Variants in PAQR9 observed in about 807,000 individuals in gnomAD.
PAQR9 encodes progestin and adipoQ receptor family member 9.
Under a neutral mutation model 24.0 loss-of-function variants are expected in PAQR9, and 12 were observed. That is an observed-to-expected ratio of 0.50 (90% CI 0.32 to 0.81). PAQR9 has a LOEUF of 0.81. Among genes scored for constraint, PAQR9 ranks in the 30% least tolerant of loss-of-function variants. The pLI, the probability that PAQR9 is intolerant of heterozygous loss-of-function variation, is 0.03. For synonymous variants in PAQR9, 266 were observed against 237.6 expected (o/e 1.12, Z -1.10); for missense variants, 418 against 520.8 (o/e 0.80, Z 1.92).
rs115634378 is a variant in PAQR9 at position 142,957,552 on chromosome 3, T to C, written c.*4651A>G. On this transcript the variant is annotated 3_prime_UTR_variant, in exon 1 of 1. Coordinates refer to ENST00000340634, the MANE Select transcript of PAQR9 (RefSeq NM_198504.4). ...ATTTTGGAGATCTAGCCATTTACCT[T>C]CTTATGTATGTGATTGGTTTGTTTG... Among the ~76,000 whole-genome samples, 1 of 152,180 alleles carries C rather than the reference T, an allele frequency of 6.6e-6. No individual in the cohort carries two copies. Among genetic ancestry groups the C allele is most frequent in the African/African-American group, 2.4e-5 (1 of 41,438 alleles).
chr3:142,951,181 G>A (rs868420741), downstream of PAQR9, among the ~76,000 whole-genome samples: 1 of 152,174 alleles, frequency 6.6e-6, no homozygotes, highest in South Asian at 2.1e-4. Flanking sequence ...CTCCCAAAGT[G>A]CTGGGATTAC....
rs769092721 is a variant in PAQR9 at position 142,957,806 on chromosome 3, G to C, written c.*4397C>G. ...AAGTTATTTTTAACAATAGGCCTAG[G>C]AGCACACAGAAAAAGAAAAAAGAAA... On this transcript the variant is annotated 3_prime_UTR_variant, in exon 1 of 1. Transcript: ENST00000340634. 1.5e-4 allele frequency among the ~76,000 whole-genome samples: 23 copies of C among 152,094 alleles called. No individual in the cohort carries two copies. Among genetic ancestry groups the C allele is most frequent in the Non-Finnish European group, 2.9e-4 (20 of 68,026 alleles).
chr3:142,962,361 C>A lies in PAQR9; in HGVS notation c.976G>T (p.Val326Leu), dbSNP rs753022542. Residue 326 changes from valine to leucine, a missense_variant, in exon 1 of 1, where the codon GTG (valine) becomes TTG (leucine). By Grantham distance (32) the Val-to-Leu change is conservative. Transcript: ENST00000340634. Reference protein sequence around the residue: ...IFTFLSIYDQVYYVEEGLRQF... With the variant: ...IFTFLSIYDQLYYVEEGLRQF... ...CGCAGGCCCTCTTCTACGTAGTACA[C>A]CTGGTCGTAGATGCTGAGGAAGGTG... is the stretch of plus-strand genomic sequence containing the variant. The A allele has an allele frequency of 2.5e-6, 4 of 1,614,024 alleles. No homozygotes were observed. Among genetic ancestry groups the A allele is most frequent in the Non-Finnish European group, 3.4e-6 (4 of 1,180,050 alleles).
In PAQR9 at chr3:142,961,560, CTA is replaced by C. The variant is rs1188423195; in HGVS notation, c.*641_*642del. 1.3e-5 allele frequency: 2 copies of C among 153,344 alleles called. No homozygotes were observed. Among genetic ancestry groups the C allele is most frequent in the Admixed American group, 6.5e-5 (1 of 15,368 alleles). 9.5% of individuals were successfully genotyped at this position (153,344 alleles called of 1,614,324 possible). A position where few individuals can be genotyped will look rare whatever the true frequency, so the allele number is the denominator to read the frequency against. On this transcript the variant is annotated 3_prime_UTR_variant, in exon 1 of 1. Transcript: ENST00000340634. ...ATGCAGAAGGCTGTGAAATTCAAAACTATGTGACAAAGAAAATTCAGTGCGTA... is the reference window on the plus strand; with the variant it reads ...ATGCAGAAGGCTGTGAAATTCAAAACTGTGACAAAGAAAATTCAGTGCGTA...
Position 142,962,929 on chromosome 3 carries a change from G to A in PAQR9, c.408C>T (p.Ser136=). ...ASGVLLTFAM[S]CTAHVFSCLS... is the part of the protein sequence containing the mutation. ...GGCAGCTGAACACGTGCGCCGTGCA[G>A]CTCATGGCGAAGGTCAGCAGCACTC... The change falls in exon 1 of 1, where the codon AGC becomes AGT. Residue 136 remains serine, a synonymous_variant. Coordinates refer to ENST00000340634, the MANE Select transcript of PAQR9 (RefSeq NM_198504.4). 6.2e-7 allele frequency: 1 copy of A among 1,613,944 alleles called. No homozygotes were observed. Among genetic ancestry groups the A allele is most frequent in the South Asian group, 1.1e-5 (1 of 91,088 alleles).
At position 142,963,409 on chromosome 3, in the gene PAQR9, C is replaced by T; in HGVS notation, c.-73G>A. On this transcript the variant is annotated 5_prime_UTR_variant, in exon 1 of 1. Transcript: ENST00000340634. ...GCTCCCGGGCGCTGGGCAGCCCCCG[C>T]CGGCCGCCGTCGGAGCCTTTGTGCC... 4 of 1,075,178 alleles carry T rather than the reference C, an allele frequency of 3.7e-6. No individual in the cohort carries two copies. The South Asian group carries it at 1.8e-4, about 48-fold the overall frequency. The allele number at this position is 1,075,178 out of a possible 1,614,324, so 66.6% of individuals were successfully genotyped here. A position where few individuals can be genotyped will look rare whatever the true frequency, so the allele number is the denominator to read the frequency against.
At chr3:142,951,625 C>T (rs2270767), downstream of PAQR9, 221,041 of 443,132 alleles carry the variant, frequency 0.5, 56,736 homozygotes, top group African/African-American at 0.59. Flanking sequence ...AGAAGAATTA[C>T]AGGAGTGGAC....
At chr3:142,950,626 G>T (rs1934699709), downstream of PAQR9, 1 of 417,042 alleles carries the variant, frequency 2.4e-6, no homozygotes. Context: ...GTATTGAAAG[G>T]CTATGGGGTA....
At position 142,958,303 on chromosome 3, in the gene PAQR9, C is replaced by T. The variant is rs1316037443; in HGVS notation, c.*3900G>A. Reference sequence around the variant, plus strand: ...GTCAATTAAGGGACTGTATCTATATCTCTTTTTCCAATTAGTGTCTGTGTG... The same window carrying T: ...GTCAATTAAGGGACTGTATCTATATTTCTTTTTCCAATTAGTGTCTGTGTG... On this transcript the variant is annotated 3_prime_UTR_variant, in exon 1 of 1. Coordinates refer to ENST00000340634, the MANE Select transcript of PAQR9 (RefSeq NM_198504.4). 1.3e-5 allele frequency among the ~76,000 whole-genome samples: 2 copies of T among 152,196 alleles called. No homozygotes were observed. Among genetic ancestry groups the T allele is most frequent in the Non-Finnish European group, 2.9e-5 (2 of 68,040 alleles).
chr3:142,962,553 A>G lies in PAQR9; in HGVS notation c.784T>C (p.Trp262Arg). 1.2e-6 allele frequency: 2 copies of G among 1,613,936 alleles called. No homozygotes were observed. The highest frequency in any genetic ancestry group is 1.7e-6 in the Non-Finnish European group (2 of 1,180,020). Residue 262 changes from tryptophan (W) to arginine (R), a missense_variant, in exon 1 of 1, where the codon TGG (tryptophan) becomes CGG (arginine). This residue lies in a region of PAQR9 where 230 missense variants were observed against 305.2 expected (regional missense o/e 0.75). Transcript: ENST00000340634. ...SMACPIMLES[W>R]LFDLRGENPT... ...TTCTCCCCACGCAGGTCGAAGAGCC[A>G]GCTCTCGAGCATAATGGGGCAGGCC...
At chr3:142,949,715 G>A (rs942046171), downstream of PAQR9, 2 of 152,198 alleles carry the variant, frequency 1.3e-5, no homozygotes, top group African/African-American at 4.8e-5. Flanking sequence ...AGGGAAGAGA[G>A]AAAGTAATTC....
Position 142,956,929 on chromosome 3 carries a change from C to T in PAQR9, c.*5274G>A, listed in dbSNP as rs577326062. On this transcript the variant is annotated 3_prime_UTR_variant, in exon 1 of 1. Transcript: ENST00000340634. ...AGAAGCCAAATCTTCAATAAGAAAA[C>T]GTGTGGCCTCTCACAAAAGAACACA... Among the ~76,000 whole-genome samples, 31 of 152,284 alleles carry T rather than the reference C, an allele frequency of 2.0e-4. No individual in the cohort carries two copies. Among genetic ancestry groups the T allele is most frequent in the Non-Finnish European group, 3.7e-4 (25 of 68,020 alleles).
Position 142,963,639 on chromosome 3 carries a change from G to T in PAQR9, c.-303C>A. The T allele has an allele frequency of 1.6e-6, 1 of 644,656 alleles. No homozygotes were observed. Among genetic ancestry groups the T allele is most frequent in the Non-Finnish European group, 1.9e-6 (1 of 520,866 alleles). 39.9% of individuals were successfully genotyped at this position (644,656 alleles called of 1,614,324 possible). On this transcript the variant is annotated 5_prime_UTR_variant, in exon 1 of 1. Transcript: ENST00000340634. The stretch of plus-strand genomic sequence containing the variant: ...CCCGCGCTGCGGCAGCGGCGGCGGC[G>T]CGGCTGACTGCGGCGGCAGCGCGGC...
At chr3:142,952,656 G>GT, downstream of PAQR9, 1 of 415,232 alleles carries the variant, frequency 2.4e-6, no homozygotes, top group East Asian at 7.1e-5. Flanking sequence ...GAGTTACTTT[G>GT]TTTGGCCCCA....
In PAQR9 at chr3:142,956,257, G is replaced by A. The variant is rs1934789539; in HGVS notation, c.*5946C>T. On this transcript the variant is annotated 3_prime_UTR_variant, in exon 1 of 1. Coordinates refer to ENST00000340634, the MANE Select transcript of PAQR9 (RefSeq NM_198504.4). The stretch of plus-strand genomic sequence containing the variant: ...CAGTGTCCTTCTTCAATATCATGGT[G>A]TACTGGGAGAAGCAGGGCCATCTTT... Among the ~76,000 whole-genome samples the A allele has an allele frequency of 6.6e-6, 1 of 152,156 alleles. No homozygotes were observed.
chr3:142,962,704 G>C lies in PAQR9; in HGVS notation c.633C>G (p.Ala211=). The C allele has an allele frequency of 3.1e-6, 5 of 1,612,754 alleles. No individual in the cohort carries two copies. The highest frequency in any genetic ancestry group is 1.1e-5 in the South Asian group (1 of 90,930). Residue 211 remains alanine, a synonymous_variant, in exon 1 of 1, where the codon GCC becomes GCG. Coordinates refer to ENST00000340634, the MANE Select transcript of PAQR9 (RefSeq NM_198504.4). The stretch of plus-strand genomic sequence containing the variant: ...GCACGAAGGCCACAGGCAGCACCAG[G>C]GCGCGGTAGGCGGCGATAAGGCGCG... The part of the protein sequence containing the change: ...DCTRLIAAYR[A]LVLPVAFVLA...
In PAQR9 at chr3:142,962,811, GGTA is replaced by G. The variant is rs763611441; in HGVS notation, c.523_525del (p.Tyr175del). The G allele has an allele frequency of 3.1e-6, 5 of 1,612,676 alleles. No individual in the cohort carries two copies. The highest frequency in any genetic ancestry group is 3.4e-6 in the Non-Finnish European group (4 of 1,179,732). Reference sequence around the variant, plus strand: ...TCCAGCAAGCTGAGGCCTGGCAACAGGTAGTAGTAGTAGGCCACCGTGCTGCCG... The same window carrying G: ...TCCAGCAAGCTGAGGCCTGGCAACAGGTAGTAGTAGGCCACCGTGCTGCCG... On this transcript the variant is annotated inframe_deletion, in exon 1 of 1. Coordinates refer to ENST00000340634, the MANE Select transcript of PAQR9 (RefSeq NM_198504.4).
chr3:142,962,541 G>A lies in PAQR9; in HGVS notation c.796C>T (p.Leu266=), dbSNP rs371208351. ...PIMLESWLFD[L]RGENPTLFVH... is the part of the protein sequence containing the mutation. ...AAGAGTGTGGGGTTCTCCCCACGCA[G>A]GTCGAAGAGCCAGCTCTCGAGCATA... is the stretch of plus-strand genomic sequence containing the variant. Residue 266 remains leucine (L), a synonymous_variant, in exon 1 of 1, where the codon CTG becomes TTG. Transcript: ENST00000340634. The A allele has an allele frequency of 5.6e-6, 9 of 1,613,860 alleles. No homozygotes were observed. The African/African-American group carries it at 6.7e-5, about 12-fold the overall frequency.
rs1934831989 is a variant in PAQR9, at chr3:142,958,579, A to G, written c.*3624T>C. Among the ~76,000 whole-genome samples the G allele has an allele frequency of 6.6e-6, 1 of 152,240 alleles. No homozygotes were observed. Among genetic ancestry groups the G allele is most frequent in the South Asian group, 2.1e-4 (1 of 4,834 alleles). On this transcript the variant is annotated 3_prime_UTR_variant, in exon 1 of 1. Transcript: ENST00000340634. Reference sequence around the variant, plus strand: ...GCTGTTAGTCCTCAGAGTTGGCACCAAATCAGGAAAAAATGATATAAATCA... The same window carrying G: ...GCTGTTAGTCCTCAGAGTTGGCACCGAATCAGGAAAAAATGATATAAATCA...
Sources: allele counts gnomAD v4.1 joint callset (sites outside exome capture counted in the v4.1 genomes callset), GRCh38; gene constraint gnomAD v4.1.1; regional missense constraint gnomAD v4.1.1; transcripts MANE v1.5; gene names NCBI Gene and HGNC (gene_info 2026-07-23, HGNC 2026-07-21).